SDK1: variants seen among roughly 807,000 people sequenced by gnomAD.
The protein encoded by SDK1 is protein sidekick-1.
In SDK1, 157 loss-of-function variants were observed where a neutral mutation model predicts 245.5. The observed-to-expected ratio is 0.64, with a 90% CI of 0.56 to 0.73. The LOEUF is 0.73. Among genes scored for constraint, SDK1 ranks in the 30% least tolerant of loss-of-function variants. The pLI, the probability that SDK1 is intolerant of heterozygous loss-of-function variation, is 0.00. For missense variants in SDK1, 3,583 were observed against 3,002.3 expected, an observed-to-expected ratio of 1.19 and a Z score of -4.52; for synonymous variants, 1,647 against 1,278.5, an observed-to-expected ratio of 1.29 and a Z score of -6.15.
intron 1 of SDK1, among the ~76,000 whole-genome samples, chr7:3,567,967 C>T (rs1238905331): frequency 3.3e-5 from 5 of 152,116 alleles, no homozygotes; most frequent in African/African-American, 1.2e-4. Flanking sequence ...CAGGTATGCA[C>T]AACCATGCCT....
chr7:3,965,409 C>T (rs1583658713), intron 9 of SDK1, among the ~76,000 whole-genome samples: 6 of 152,200 alleles, frequency 3.9e-5, no homozygotes, highest in Non-Finnish European at 1.5e-5. Context: ...GTGCCACCTG[C>T]ACTGTTACCA....
intron 28 of SDK1, among the ~76,000 whole-genome samples, chr7:4,135,013 C>T (rs1266183317): frequency 6.6e-6 from 1 of 152,216 alleles, no homozygotes; most frequent in Admixed American, 6.5e-5. Flanking sequence ...GCCCCGGGTC[C>T]TCACTGCCCC....
intron 1 of SDK1, among the ~76,000 whole-genome samples, chr7:3,482,332 C>G (rs906532511): frequency 6.6e-6 from 1 of 152,164 alleles, no homozygotes; most frequent in Non-Finnish European, 1.5e-5. Flanking sequence ...GCAGCGAGCT[C>G]TTAGACTGCC....
intron 40 of SDK1, chr7:4,232,948 T>TCATA: frequency 1.3e-5 from 3 of 228,240 alleles, no homozygotes; most frequent in Non-Finnish European, 2.6e-5. Context: ...TTATAATAAA[T>TCATA]CATACATACA....
At chr7:3,732,133 G>A (rs556160113) in intron 4 of SDK1, among the ~76,000 whole-genome samples, 2 of 152,342 alleles carry the variant, frequency 1.3e-5, no homozygotes, top group South Asian at 4.1e-4. Context: ...AGGAATATTT[G>A]TTAGCAGTGA....
intron 1 of SDK1, among the ~76,000 whole-genome samples, chr7:3,312,250 C>T (rs1465345680): frequency 1.3e-5 from 2 of 151,988 alleles, no homozygotes; most frequent in African/African-American, 2.4e-5. Context: ...TGAATAGAGC[C>T]CTCAGGTCTG....
chr7:3,618,489 G>A (rs1204372137), intron 1 of SDK1, among the ~76,000 whole-genome samples: 1 of 152,178 alleles, frequency 6.6e-6, no homozygotes, highest in African/African-American at 2.4e-5. Context: ...GCTATGTGTA[G>A]CAATTGTTGC....
chr7:3,796,115 C>A (rs1778955278), intron 4 of SDK1, among the ~76,000 whole-genome samples: 1 of 152,122 alleles, frequency 6.6e-6, no homozygotes, highest in Non-Finnish European at 1.5e-5. Flanking sequence ...AGTTCAGCCT[C>A]CTGTGATGTG....
intron 28 of SDK1, among the ~76,000 whole-genome samples, chr7:4,139,983 A>G (rs1779464626): frequency 6.6e-6 from 1 of 152,030 alleles, no homozygotes; most frequent in African/African-American, 2.4e-5. Context: ...CCATGAGCCT[A>G]TTCATTGTGC....
intron 4 of SDK1, among the ~76,000 whole-genome samples, chr7:3,802,534 C>CAA (rs201330492): frequency 7.0e-6 from 1 of 142,266 alleles, no homozygotes; most frequent in Non-Finnish European, 1.5e-5. Context: ...GACCCTATAT[C>CAA]AAAAAAAAAA....
chr7:3,743,404 C>G (rs1288270042), intron 4 of SDK1, among the ~76,000 whole-genome samples: 2 of 152,154 alleles, frequency 1.3e-5, no homozygotes, highest in Non-Finnish European at 2.9e-5. Context: ...ACTCTCTTAC[C>G]TCTTTTCTCA....
chr7:3,432,086 T>C (rs981792498), intron 1 of SDK1, among the ~76,000 whole-genome samples: 2 of 150,230 alleles, frequency 1.3e-5, no homozygotes, highest in African/African-American at 4.9e-5. Flanking sequence ...TGAAATACTT[T>C]GTAAACAGAG....
chr7:4,259,342 C>T lies in SDK1; in HGVS notation c.6382-5782C>T, dbSNP rs570103210. On this transcript the variant is annotated intron_variant, in intron 44 of 44. Transcript: ENST00000404826. ...TAATCCCAGATAGGAGGCTGAGGCACGAGAATAGCTTGAACCCAGGAGGCA... is the reference window on the plus strand; with the variant it reads ...TAATCCCAGATAGGAGGCTGAGGCATGAGAATAGCTTGAACCCAGGAGGCA... Among the ~76,000 whole-genome samples, 131 of 152,166 alleles carry T rather than the reference C, an allele frequency of 8.6e-4. 1 individual carries two copies. Among genetic ancestry groups the T allele is most frequent in the African/African-American group, 2.8e-3 (116 of 41,520 alleles).
intron 32 of SDK1, among the ~76,000 whole-genome samples, chr7:4,173,977 G>A (rs921684516): frequency 6.6e-6 from 1 of 152,220 alleles, no homozygotes; most frequent in Admixed American, 6.5e-5. Flanking sequence ...GCTGGACAGG[G>A]GTCAAAATGC....
chr7:3,628,595 G>A (rs1054600042), intron 2 of SDK1, among the ~76,000 whole-genome samples: 5 of 152,126 alleles, frequency 3.3e-5, no homozygotes, highest in African/African-American at 1.2e-4. Flanking sequence ...GCTGGGATAC[G>A]TGGCTTATGT....
chr7:4,183,304 C>T (rs562627498), intron 35 of SDK1, among the ~76,000 whole-genome samples: 5 of 152,154 alleles, frequency 3.3e-5, no homozygotes, highest in African/African-American at 1.2e-4. Flanking sequence ...ATTTTGTGAC[C>T]TCTGGTCACA....
intron 1 of SDK1, among the ~76,000 whole-genome samples, chr7:3,597,008 C>G (rs1286245149): frequency 6.6e-6 from 1 of 152,174 alleles, no homozygotes; most frequent in African/African-American, 2.4e-5. Flanking sequence ...AGGTGACTCA[C>G]ACCTGTAACC....
intron 1 of SDK1, among the ~76,000 whole-genome samples, chr7:3,546,822 G>T (rs1168634678): frequency 2.0e-5 from 3 of 152,074 alleles, no homozygotes; most frequent in Non-Finnish European, 4.4e-5. Flanking sequence ...TCAATCTCAG[G>T]TTACCTACCC....
intron 4 of SDK1, among the ~76,000 whole-genome samples, chr7:3,756,908 G>A (rs1020009884): frequency 5.9e-5 from 9 of 152,148 alleles, no homozygotes; most frequent in African/African-American, 1.7e-4. Context: ...TATTCCTGGC[G>A]ATGCGAACCT....
Sources: gnomAD v4.1 joint callset for allele counts (sites outside exome capture counted in the v4.1 genomes callset) on GRCh38, gnomAD v4.1.1 for gene constraint, MANE v1.5 for transcripts, NCBI Gene and HGNC (gene_info 2026-07-23, HGNC 2026-07-21) for gene names.